Variants in MAGI2 observed in about 807,000 individuals in gnomAD.
The protein encoded by MAGI2 is membrane associated guanylate kinase, WW and PDZ domain containing 2.
A neutral mutation model predicts 133.3 loss-of-function variants in MAGI2; 35 were observed. The observed-to-expected ratio is 0.26, with a 90% CI of 0.20 to 0.35. MAGI2 has a LOEUF of 0.35. Ranked by LOEUF, MAGI2 falls within the 10% of genes least tolerant of loss-of-function variation. The pLI is 1.00. For missense variants in MAGI2, 1,636 were observed against 1,863.4 expected (o/e 0.88, Z 2.25); for synonymous variants, 729 against 710.6 (o/e 1.03, Z -0.41).
intron 16 of MAGI2, among the ~76,000 whole-genome samples, chr7:78,151,974 T>C (rs761282415): frequency 1.3e-5 from 2 of 151,758 alleles, no homozygotes; most frequent in Non-Finnish European, 2.9e-5. Context: ...CTATCAGGAA[T>C]TGTGAAGGAT....
chr7:79,224,812 G>A (rs777891269), intron 1 of MAGI2, among the ~76,000 whole-genome samples: 3 of 152,190 alleles, frequency 2.0e-5, no homozygotes, highest in Admixed American at 6.5e-5. Context: ...AGGAACTGAG[G>A]TAGGGGTAGG....
intron 2 of MAGI2, among the ~76,000 whole-genome samples, chr7:78,867,547 G>C (rs1022751155): frequency 7.6e-5 from 11 of 145,390 alleles, no homozygotes; most frequent in East Asian, 4.3e-4. Flanking sequence ...GCTGTGGCGT[G>C]GGGGGAGGGG....
chr7:79,356,820 G>C (rs1478515600), intron 1 of MAGI2, among the ~76,000 whole-genome samples: 3 of 152,088 alleles, frequency 2.0e-5, no homozygotes, highest in Non-Finnish European at 4.4e-5. Context: ...CATCACTGTG[G>C]GGTTTTGTCA....
intron 14 of MAGI2, among the ~76,000 whole-genome samples, chr7:78,172,382 C>CTG (rs1457056079): frequency 6.6e-6 from 1 of 152,224 alleles, no homozygotes; most frequent in Non-Finnish European, 1.5e-5. Context: ...CACCACACTC[C>CTG]TGTGCCAAAG....
rs953242641 is a variant in MAGI2, at chr7:78,718,751, C to G, written c.419-91512G>C. 2.6e-5 allele frequency among the ~76,000 whole-genome samples: 4 copies of G among 152,072 alleles called. No individual in the cohort carries two copies. The East Asian group carries it at 7.8e-4, about 29-fold the overall frequency. ...CCCAATAAATGTAGTGTGCTTGAAT[C>G]ATCCCGAAACTATCCATCCCCGCAC... On this transcript the variant is annotated intron_variant, in intron 2 of 21. Coordinates refer to ENST00000354212, the MANE Select transcript of MAGI2 (RefSeq NM_012301.4).
chr7:79,307,916 C>T (rs879887281), intron 1 of MAGI2, among the ~76,000 whole-genome samples: 6 of 152,152 alleles, frequency 3.9e-5, no homozygotes, highest in Admixed American at 2.6e-4. Context: ...GGAAATATGG[C>T]TGTAAGGCTA....
At chr7:78,650,473 G>C (rs528791863) in intron 2 of MAGI2, among the ~76,000 whole-genome samples, 1 of 152,166 alleles carries the variant, frequency 6.6e-6, no homozygotes, top group South Asian at 2.1e-4. Flanking sequence ...AAAGGAAAAA[G>C]AGCTGGGTCC....
At chr7:79,265,526 A>T (rs2129556770) in intron 1 of MAGI2, among the ~76,000 whole-genome samples, 1 of 152,272 alleles carries the variant, frequency 6.6e-6, no homozygotes, top group Non-Finnish European at 1.5e-5. Flanking sequence ...ATATTTATAT[A>T]CACATACACA....
At chr7:78,136,220 C>T (rs945628175) in intron 16 of MAGI2, among the ~76,000 whole-genome samples, 6 of 151,850 alleles carry the variant, frequency 4.0e-5, no homozygotes, top group Non-Finnish European at 5.9e-5. Flanking sequence ...CCTGGGTTCA[C>T]GCCATTCTCC....
chr7:78,490,026 C>A (rs767765761), intron 5 of MAGI2, 186 bp from the exon 6 acceptor site: 1 of 497,900 alleles, frequency 2.0e-6, no homozygotes, highest in Non-Finnish European at 3.6e-6. Flanking sequence ...AATTTGGCAA[C>A]CTCAGCTCCC....
At chr7:78,755,158 A>G (rs1440699296) in intron 2 of MAGI2, among the ~76,000 whole-genome samples, 1 of 152,218 alleles carries the variant, frequency 6.6e-6, no homozygotes, top group Non-Finnish European at 1.5e-5. Context: ...CTGAAAGGGT[A>G]AGAATTTATC....
At chr7:78,730,214 T>C (rs1278006409) in intron 2 of MAGI2, among the ~76,000 whole-genome samples, 1 of 152,192 alleles carries the variant, frequency 6.6e-6, no homozygotes, top group African/African-American at 2.4e-5. Flanking sequence ...TTTTAAGATA[T>C]ATACCTTAAA....
At chr7:78,856,023 T>C (rs1178612967) in intron 2 of MAGI2, among the ~76,000 whole-genome samples, 6 of 152,258 alleles carry the variant, frequency 3.9e-5, no homozygotes, top group Middle Eastern at 3.2e-3. Context: ...CATTTTTTCA[T>C]GTGTCTGTTG....
chr7:78,110,604 A>T (rs1345929590), intron 20 of MAGI2, among the ~76,000 whole-genome samples: 1 of 152,216 alleles, frequency 6.6e-6, no homozygotes, highest in Non-Finnish European at 1.5e-5. Context: ...GGTGATCCCC[A>T]TATGGAGAAG....
intron 1 of MAGI2, among the ~76,000 whole-genome samples, chr7:79,202,946 C>T (rs1397577848): frequency 6.6e-6 from 1 of 152,024 alleles, no homozygotes; most frequent in Non-Finnish European, 1.5e-5. Context: ...ACTTGCCTTT[C>T]TAATAGACAT....
chr7:78,144,256 G>A (rs1252863059), intron 16 of MAGI2, among the ~76,000 whole-genome samples: 1 of 152,064 alleles, frequency 6.6e-6, no homozygotes, highest in Non-Finnish European at 1.5e-5. Context: ...TGACCCAAAT[G>A]CAAACATTTT....
chr7:78,068,975 G>A (rs1250470296), intron 21 of MAGI2, among the ~76,000 whole-genome samples: 1 of 152,216 alleles, frequency 6.6e-6, no homozygotes, highest in African/African-American at 2.4e-5. Flanking sequence ...GTCCAGCTGA[G>A]AGGTTCGAAG....
intron 3 of MAGI2, chr7:78,567,860 T>A (rs1801110564): frequency 6.6e-6 from 1 of 152,224 alleles, no homozygotes; most frequent in South Asian, 2.1e-4. Context: ...CACACTCAGC[T>A]TTCTCTAATT....
At chr7:79,338,701 A>C (rs1840671359) in intron 1 of MAGI2, among the ~76,000 whole-genome samples, 1 of 152,112 alleles carries the variant, frequency 6.6e-6, no homozygotes, top group Non-Finnish European at 1.5e-5. Context: ...AGGACCCCTA[A>C]ATATGTTGTA....
Sources: allele counts gnomAD v4.1 joint callset (sites outside exome capture counted in the v4.1 genomes callset), GRCh38; gene constraint gnomAD v4.1.1; transcripts MANE v1.5; gene names NCBI Gene and HGNC (gene_info 2026-07-23, HGNC 2026-07-21).